Variants in TDRD12 observed in about 807,000 individuals in gnomAD.
The protein encoded by TDRD12 is tudor domain containing 12, also known as putative ATP-dependent RNA helicase TDRD12.
Under a neutral mutation model 133.5 loss-of-function variants are expected in TDRD12, and 158 were observed. The ratio of observed to expected loss-of-function variants is 1.18; its 90% CI spans 1.04 to 1.35. The LOEUF is 1.35. Among genes scored for constraint, TDRD12 ranks in the 40% most tolerant of loss-of-function variants. The probability of loss-of-function intolerance (pLI) is 0.00; values close to 1 mark genes in which losing one functional copy is unlikely to be tolerated. For missense variants in TDRD12, 1,443 were observed against 1,321.3 expected, an observed-to-expected ratio of 1.09 and a Z score of -1.43; for synonymous variants, 460 against 477.9, an observed-to-expected ratio of 0.96 and a Z score of 0.49.
At chr19:32,720,234 C>T in intron 1 of TDRD12, 138 bp downstream of exon 1, 2 of 820,380 alleles carry the variant, frequency 2.4e-6, no homozygotes, top group Non-Finnish European at 3.8e-6. Context: ...CCTCCCACCC[C>T]CGACCCCAAC....
intron 8 of TDRD12, among the ~76,000 whole-genome samples, chr19:32,764,815 C>A (rs1205565832): frequency 6.6e-6 from 1 of 152,236 alleles, no homozygotes; most frequent in Admixed American, 6.5e-5. Flanking sequence ...ATTTTTATGT[C>A]CTCTAGGCAT....
chr19:32,741,041 C>G (rs924160995), intron 3 of TDRD12, among the ~76,000 whole-genome samples: 6 of 152,142 alleles, frequency 3.9e-5, no homozygotes, highest in Admixed American at 3.9e-4. Flanking sequence ...GAAGAAAGAG[C>G]AATACCAAAT....
intron 4 of TDRD12, among the ~76,000 whole-genome samples, chr19:32,744,520 AAAAAC>A (rs1238959159): frequency 7.3e-5 from 11 of 150,964 alleles, no homozygotes; most frequent in South Asian, 2.1e-4. Context: ...AAAAAAAAAA[AAAAAC>A]AAAAGAATAT....
At chr19:32,736,556 TC>T (rs1216084500) in intron 2 of TDRD12, among the ~76,000 whole-genome samples, 1 of 152,244 alleles carries the variant, frequency 6.6e-6, no homozygotes, top group Non-Finnish European at 1.5e-5. Context: ...TGCTTTGACT[TC>T]AGCATTAAAT....
At chr19:32,765,382 T>C (rs1029985876) in intron 8 of TDRD12, among the ~76,000 whole-genome samples, 11 of 152,182 alleles carry the variant, frequency 7.2e-5, no homozygotes, top group African/African-American at 2.4e-4. Context: ...AGCCATCCCA[T>C]TACTGGGTAT....
intron 16 of TDRD12, among the ~76,000 whole-genome samples, chr19:32,799,959 T>A (rs1971338871): frequency 6.6e-6 from 1 of 151,722 alleles, no homozygotes; most frequent in Non-Finnish European, 1.5e-5. Context: ...TGGTCTTGAA[T>A]TCCTGACCTC....
chr19:32,765,604 T>C (rs1970272383), intron 8 of TDRD12, among the ~76,000 whole-genome samples: 1 of 152,088 alleles, frequency 6.6e-6, no homozygotes, highest in Non-Finnish European at 1.5e-5. Flanking sequence ...TGGATGAAGC[T>C]GGAAACCATC....
chr19:32,826,422 T>A, intron 8 of TDRD12, 23 bp from the exon 31 acceptor site: 1 of 1,244,076 alleles, frequency 8.0e-7, no homozygotes, highest in Non-Finnish European at 1.0e-6. Context: ...AAAGGCTGAC[T>A]TTATTTCTTT....
chr19:32,827,005 C>T (rs146390006), intron 9 of TDRD12, among the ~76,000 whole-genome samples, 159 bp from the exon 33 acceptor site: 1 of 152,176 alleles, frequency 6.6e-6, no homozygotes, highest in Admixed American at 6.5e-5. Flanking sequence ...GTAAGCAGAC[C>T]AATTTGACCT....
intron 25 of TDRD12, 103 bp from the exon 26 acceptor site, chr19:32,815,345 C>G: frequency 1.0e-6 from 1 of 979,304 alleles, no homozygotes; most frequent in Non-Finnish European, 1.5e-6. Flanking sequence ...GTGCAGCCAA[C>G]GTGGCAGGCT....
exon 10 of TDRD12, chr19:32,828,392 G>C (rs1446416195): frequency 6.6e-6 from 1 of 152,216 alleles, no homozygotes; most frequent in African/African-American, 2.4e-5. Flanking sequence ...CAGCACTGGG[G>C]GGGGTCACCA....
intron 1 of TDRD12, among the ~76,000 whole-genome samples, chr19:32,721,159 G>A (rs1025252780): frequency 2.6e-5 from 4 of 152,080 alleles, no homozygotes; most frequent in Non-Finnish European, 4.4e-5. Flanking sequence ...TCTAGTCCTC[G>A]GGGAAGGGAC....
chr19:32,738,587 G>A (rs188379001), intron 2 of TDRD12, among the ~76,000 whole-genome samples: 24 of 152,222 alleles, frequency 1.6e-4, no homozygotes, highest in Non-Finnish European at 2.6e-4. Flanking sequence ...AGGCTGAGGC[G>A]GGCGGATCAT....
At chr19:32,754,754 G>A (rs1029280366) in intron 6 of TDRD12, among the ~76,000 whole-genome samples, 1 of 132,238 alleles carries the variant, frequency 7.6e-6, no homozygotes, top group African/African-American at 2.8e-5. Flanking sequence ...TTGGCTCACC[G>A]CAACCTCTGC....
intron 8 of TDRD12, among the ~76,000 whole-genome samples, chr19:32,771,876 G>T (rs1163365782): frequency 6.6e-6 from 1 of 152,178 alleles, no homozygotes; most frequent in Admixed American, 6.5e-5. Context: ...TTATTTCAAT[G>T]AGTTATTTAA....
intron 11 of TDRD12, among the ~76,000 whole-genome samples, chr19:32,786,778 T>G (rs981482453): frequency 6.6e-6 from 1 of 152,178 alleles, no homozygotes; most frequent in African/African-American, 2.4e-5. Flanking sequence ...CTCCATCAGG[T>G]CATTTAAGCT....
intron 1 of TDRD12, among the ~76,000 whole-genome samples, chr19:32,727,828 C>T (rs537485559): frequency 2.0e-5 from 3 of 152,090 alleles, no homozygotes; most frequent in South Asian, 4.1e-4. Flanking sequence ...ACCACCACAC[C>T]CGGCTAATTT....
intron 7 of TDRD12, among the ~76,000 whole-genome samples, 177 bp downstream of exon 7, chr19:32,756,358 GT>G (rs1969992715): frequency 6.6e-6 from 1 of 151,976 alleles, no homozygotes; most frequent in Admixed American, 6.6e-5. Flanking sequence ...TACAGTTTGT[GT>G]TTATGAGACC....
chr19:32,724,801 CA>C (rs1341911808), intron 1 of TDRD12, among the ~76,000 whole-genome samples: 1 of 152,174 alleles, frequency 6.6e-6, no homozygotes, highest in Non-Finnish European at 1.5e-5. Context: ...CTGTCTTCCA[CA>C]ATGGTTGAAT....
Sources: gnomAD v4.1 joint callset for allele counts (sites outside exome capture counted in the v4.1 genomes callset) on GRCh38, gnomAD v4.1.1 for gene constraint, MANE v1.5 for transcripts, NCBI Gene and HGNC (gene_info 2026-07-23, HGNC 2026-07-21) for gene names.